KCNIP3: variants seen among roughly 807,000 people sequenced by gnomAD.
KCNIP3 encodes calsenilin.
A neutral mutation model predicts 35.0 loss-of-function variants in KCNIP3; 28 were observed. The observed-to-expected ratio is 0.80, with a 90% CI of 0.59 to 1.10. The LOEUF (loss-of-function observed/expected upper bound fraction) is 1.10, where lower values mean the gene tolerates loss of function less well. KCNIP3 is among the 50% of genes least tolerant of loss of function. The probability of loss-of-function intolerance (pLI) is 0.00; values close to 1 mark genes in which losing one functional copy is unlikely to be tolerated. For synonymous variants in KCNIP3, 134 were observed against 133.8 expected (o/e 1.00, Z -0.01); for missense variants, 295 against 338.4 (o/e 0.87, Z 1.01).
At chr2:95,347,848 A>T (rs560598728) in intron 2 of KCNIP3, among the ~76,000 whole-genome samples, 1 of 152,182 alleles carries the variant, frequency 6.6e-6, no homozygotes, top group South Asian at 2.1e-4. Flanking sequence ...CTCCGAGGAC[A>T]TGGGCATCCT....
At chr2:95,301,816 C>G (rs777325012) in intron 1 of KCNIP3, among the ~76,000 whole-genome samples, 1 of 152,142 alleles carries the variant, frequency 6.6e-6, no homozygotes, top group Non-Finnish European at 1.5e-5. Context: ...GCCCAGCTCT[C>G]CTGCTCCAGT....
intron 2 of KCNIP3, among the ~76,000 whole-genome samples, chr2:95,317,393 G>A (rs937498741): frequency 2.6e-4 from 40 of 152,318 alleles, no homozygotes; most frequent in African/African-American, 9.6e-4. Flanking sequence ...CAGGAACAGT[G>A]AGCTCCGGGG....
chr2:95,321,232 G>T (rs1439931348), intron 2 of KCNIP3, among the ~76,000 whole-genome samples: 2 of 152,204 alleles, frequency 1.3e-5, no homozygotes, highest in Non-Finnish European at 2.9e-5. Flanking sequence ...CAGCACCTTA[G>T]TGTGGCCTGC....
rs190506979 is a variant in KCNIP3 at position 95,321,591 on chromosome 2, G to A, written c.181+11071G>A. Reference sequence around the variant, plus strand: ...CATTCTGCAAATAGACATTGAGTGCGTGTCAAGGTTCTGTTGAACTCCCTA... The same window carrying A: ...CATTCTGCAAATAGACATTGAGTGCATGTCAAGGTTCTGTTGAACTCCCTA... On this transcript the variant is annotated intron_variant, in intron 2 of 8. Coordinates refer to ENST00000295225, the MANE Select transcript of KCNIP3 (RefSeq NM_013434.5). Among the ~76,000 whole-genome samples, 79 of 152,344 alleles carry A rather than the reference G, an allele frequency of 5.2e-4. 1 individual carries two copies. The highest frequency in any genetic ancestry group is 1.8e-3 in the African/African-American group (74 of 41,576).
At chr2:95,373,644 G>A (rs1216337564) in intron 2 of KCNIP3, among the ~76,000 whole-genome samples, 1 of 151,996 alleles carries the variant, frequency 6.6e-6, no homozygotes, top group Non-Finnish European at 1.5e-5. Flanking sequence ...GGATGGTCTC[G>A]ATCTCCTGAC....
intron 2 of KCNIP3, among the ~76,000 whole-genome samples, chr2:95,325,627 T>A (rs1487943326): frequency 2.8e-5 from 4 of 145,058 alleles, no homozygotes; most frequent in Admixed American, 6.8e-5. Context: ...ACACACACAC[T>A]CACACACACA....
chr2:95,348,997 G>C (rs1679445320), intron 2 of KCNIP3, among the ~76,000 whole-genome samples: 2 of 152,286 alleles, frequency 1.3e-5, no homozygotes, highest in African/African-American at 4.8e-5. Flanking sequence ...TTTGTGAGCC[G>C]TGCTTATCAG....
intron 2 of KCNIP3, among the ~76,000 whole-genome samples, chr2:95,315,186 A>G (rs1678422230): frequency 6.6e-6 from 1 of 152,168 alleles, no homozygotes. Flanking sequence ...CAGAGTGACC[A>G]TCACTCCCAT....
intron 2 of KCNIP3, among the ~76,000 whole-genome samples, chr2:95,324,149 A>G (rs535028116): frequency 6.6e-6 from 1 of 152,368 alleles, no homozygotes; most frequent in African/African-American, 2.4e-5. Context: ...TAGTCAGTGA[A>G]CTAAACGGAT....
At chr2:95,322,764 TG>T (rs918636669) in intron 2 of KCNIP3, among the ~76,000 whole-genome samples, 1 of 152,190 alleles carries the variant, frequency 6.6e-6, no homozygotes, top group African/African-American at 2.4e-5. Context: ...CCAGGGAGCC[TG>T]GGGTGTGCTT....
chr2:95,345,988 C>T lies in KCNIP3; in HGVS notation c.182-28308C>T, dbSNP rs577589927. On this transcript the variant is annotated intron_variant, in intron 2 of 8. Transcript: ENST00000295225. ...GAGCAGGCGGCGGCGGCTGCGAGTC[C>T]GTGACTCGACCAAGGTCACGCAGCA... Among the ~76,000 whole-genome samples, 163 of 152,348 alleles carry T rather than the reference C, an allele frequency of 1.1e-3. 2 individuals carry two copies. The East Asian group carries it at 0.013, about 12-fold the overall frequency.
chr2:95,320,829 A>C (rs1678575016), intron 2 of KCNIP3, among the ~76,000 whole-genome samples: 1 of 151,644 alleles, frequency 6.6e-6, no homozygotes, highest in Non-Finnish European at 1.5e-5. Flanking sequence ...CCAGGGTGGG[A>C]GAAGGAGGGA....
chr2:95,310,677 C>G (rs1163762304), intron 2 of KCNIP3, 157 bp downstream of exon 2: 3 of 775,664 alleles, frequency 3.9e-6, no homozygotes, highest in Admixed American at 2.2e-5. Context: ...TCACACCCTT[C>G]CCCATTCATT....
chr2:95,371,438 AG>A (rs1345891475), intron 2 of KCNIP3, among the ~76,000 whole-genome samples: 1 of 152,236 alleles, frequency 6.6e-6, no homozygotes, highest in Admixed American at 6.5e-5. Flanking sequence ...CATTGTGGTA[AG>A]AGTCTGTGTT....
intron 2 of KCNIP3, among the ~76,000 whole-genome samples, chr2:95,367,235 T>C (rs1679938031): frequency 6.6e-6 from 1 of 152,148 alleles, no homozygotes; most frequent in African/African-American, 2.4e-5. Flanking sequence ...ATCATGCCAC[T>C]GCACTCCAGC....
chr2:95,365,158 C>CT (rs75136882), intron 2 of KCNIP3, among the ~76,000 whole-genome samples: 1,841 of 120,468 alleles, frequency 0.015, 35 homozygotes, highest in African/African-American at 0.027. Flanking sequence ...GTCCTTATGT[C>CT]TTTTTTTTTT....
intron 2 of KCNIP3, among the ~76,000 whole-genome samples, chr2:95,346,256 G>C (rs1388524787): frequency 6.6e-6 from 1 of 151,800 alleles, no homozygotes; most frequent in Non-Finnish European, 1.5e-5. Context: ...CAGCGGCGCG[G>C]GGCGGGCCGG....
rs576052431 is a variant in KCNIP3 at position 95,330,761 on chromosome 2, A to G, written c.181+20241A>G. Among the ~76,000 whole-genome samples the G allele has an allele frequency of 2.0e-5, 3 of 152,318 alleles. No homozygotes were observed. The East Asian group carries it at 5.8e-4, about 29-fold the overall frequency. ...GATCCCTCCTCTGCTCTCTGGTCTG[A>G]GAACATCCCATTGTGAAGCCGTGGG... is the stretch of plus-strand genomic sequence containing the variant. On this transcript the variant is annotated intron_variant, in intron 2 of 8. Transcript: ENST00000295225.
chr2:95,341,247 C>G (rs2059314), intron 2 of KCNIP3, among the ~76,000 whole-genome samples: 1 of 151,816 alleles, frequency 6.6e-6, no homozygotes, highest in South Asian at 2.1e-4. Flanking sequence ...GCACCTCCCC[C>G]CTCACTCTCT....
Sources: allele counts gnomAD v4.1 joint callset (sites outside exome capture counted in the v4.1 genomes callset), GRCh38; gene constraint gnomAD v4.1.1; transcripts MANE v1.5; gene names NCBI Gene and HGNC (gene_info 2026-07-23, HGNC 2026-07-21).